ZFHX3: variants seen among roughly 807,000 people sequenced by gnomAD.
The protein encoded by ZFHX3 is zinc finger homeobox 3.
Under a neutral mutation model 279.1 loss-of-function variants are expected in ZFHX3, and 42 were observed. That is an observed-to-expected ratio of 0.15 (90% CI 0.12 to 0.19). The LOEUF is 0.19. Among genes scored for constraint, ZFHX3 ranks in the 10% least tolerant of loss-of-function variants. The probability of loss-of-function intolerance (pLI) is 1.00; values close to 1 mark genes in which losing one functional copy is unlikely to be tolerated. For synonymous variants in ZFHX3, 2,293 were observed against 1,957.8 expected, an observed-to-expected ratio of 1.17 and a Z score of -4.52; for missense variants, 4,981 against 4,754.0, an observed-to-expected ratio of 1.05 and a Z score of -1.40.
At chr16:73,644,619 C>T (rs1308767766) in intron 2 of ZFHX3, among the ~76,000 whole-genome samples, 1 of 152,152 alleles carries the variant, frequency 6.6e-6, no homozygotes, top group East Asian at 1.9e-4. Flanking sequence ...CGAGATTGTG[C>T]CACTGCACTC....
intron 1 of ZFHX3, among the ~76,000 whole-genome samples, chr16:72,967,279 G>A (rs1367420064): frequency 6.6e-6 from 1 of 152,162 alleles, no homozygotes; most frequent in Non-Finnish European, 1.5e-5. Context: ...AGTTCAAGAT[G>A]AGCTCGGAGC....
intron 1 of ZFHX3, among the ~76,000 whole-genome samples, chr16:73,744,747 T>C (rs537095318): frequency 6.6e-6 from 1 of 152,338 alleles, no homozygotes; most frequent in Admixed American, 6.5e-5. Flanking sequence ...TCGATATTTC[T>C]GACAGCTTTT....
chr16:73,435,462 G>T (rs546822232), intron 3 of ZFHX3, among the ~76,000 whole-genome samples: 1 of 152,050 alleles, frequency 6.6e-6, no homozygotes, highest in African/African-American at 2.4e-5. Context: ...TGCCTGCCTC[G>T]GCCTCCCAAA....
chr16:73,417,046 C>T (rs1361005590), intron 3 of ZFHX3, among the ~76,000 whole-genome samples: 1 of 152,056 alleles, frequency 6.6e-6, no homozygotes, highest in East Asian at 1.9e-4. Flanking sequence ...GCCAAACTGA[C>T]ATCACGCACC....
chr16:73,057,896 C>G (rs911335066), intron 1 of ZFHX3, among the ~76,000 whole-genome samples: 1 of 148,976 alleles, frequency 6.7e-6, no homozygotes, highest in African/African-American at 2.4e-5. Context: ...GTGGCTGCGA[C>G]CGCGGCGACT....
At chr16:73,028,885 C>T (rs764899947) in intron 1 of ZFHX3, among the ~76,000 whole-genome samples, 113 of 152,370 alleles carry the variant, frequency 7.4e-4, no homozygotes, top group Non-Finnish European at 1.2e-3. Context: ...CAACAGAAGT[C>T]TTGTTACAAA....
intron 1 of ZFHX3, among the ~76,000 whole-genome samples, chr16:73,823,991 C>G (rs1002624353): frequency 1.3e-5 from 2 of 152,128 alleles, no homozygotes; most frequent in Non-Finnish European, 2.9e-5. Context: ...TAACTACACT[C>G]CAGGAAAGTT....
chr16:73,483,271 T>G, intron 2 of ZFHX3: 1 of 410,656 alleles, frequency 2.4e-6, no homozygotes, highest in Non-Finnish European at 4.7e-6. Context: ...GACAAATGCG[T>G]ACGCATAGAC....
chr16:72,966,568 C>A lies in ZFHX3; in HGVS notation c.-49-6374G>T, dbSNP rs538236639. Among the ~76,000 whole-genome samples the A allele has an allele frequency of 8.5e-5, 13 of 152,306 alleles. No homozygotes were observed. The South Asian group carries it at 1.0e-3, about 12-fold the overall frequency. ...GTCCACAGCCCATCACTTTCTCTGT[C>A]TGCGTGAATAATGTTAGGAACCACT... On this transcript the variant is annotated intron_variant, in intron 1 of 9. Transcript: ENST00000268489.
intron 2 of ZFHX3, among the ~76,000 whole-genome samples, chr16:73,666,912 T>G (rs1472569281): frequency 6.6e-6 from 1 of 151,996 alleles, no homozygotes; most frequent in Non-Finnish European, 1.5e-5. Flanking sequence ...GCCTATGGGA[T>G]TCATCCACGT....
chr16:73,164,658 C>T (rs1377763906), intron 5 of ZFHX3, among the ~76,000 whole-genome samples: 1 of 150,938 alleles, frequency 6.6e-6, no homozygotes, highest in Non-Finnish European at 1.5e-5. Context: ...TGAGATTGCA[C>T]CACTGCACTC....
chr16:73,070,915 TGCGCGCGCGCGCGCGC>T (rs1214080832), intron 8 of ZFHX3, among the ~76,000 whole-genome samples: 4 of 90,618 alleles, frequency 4.4e-5, no homozygotes, highest in African/African-American at 1.8e-4. Flanking sequence ...TAGACCGTCT[TGCGCGCGCGCGCGCGC>T]GCGCGCGCAC....
At chr16:72,818,393 G>A (rs1567531565) in intron 5 of ZFHX3, among the ~76,000 whole-genome samples, 1 of 152,176 alleles carries the variant, frequency 6.6e-6, no homozygotes. Context: ...GACAGGCTGG[G>A]CTTTCTTACT....
chr16:72,933,824 T>TC (rs1434917475), intron 3 of ZFHX3, among the ~76,000 whole-genome samples: 11 of 131,966 alleles, frequency 8.3e-5, no homozygotes, highest in African/African-American at 2.2e-4. Flanking sequence ...TTTTTTTTTT[T>TC]TTTTTTTTTT....
intron 1 of ZFHX3, among the ~76,000 whole-genome samples, chr16:73,779,756 T>C (rs1049025195): frequency 3.3e-5 from 5 of 152,098 alleles, no homozygotes; most frequent in Non-Finnish European, 5.9e-5. Context: ...TCTCGTTCTG[T>C]CGTCAGGTTG....
At position 72,797,471 on chromosome 16, in the gene ZFHX3, TTGTTGTTGTTGTTGTTGC is replaced by T. The variant is rs748649682; in HGVS notation, c.5193_5210del (p.Gln1736_Gln1741del). ...CCAGCGTTTGTGCTTGTTGTTGTTG[TTGTTGTTGTTGTTGTTGC>T]TGTTGCTGCTGCTGTTGTTGCTGCT... On this transcript the variant is annotated inframe_deletion, in exon 9 of 10. Coordinates refer to ENST00000268489, the MANE Select transcript of ZFHX3 (RefSeq NM_006885.4). The T allele has an allele frequency of 5.6e-6, 9 of 1,611,362 alleles. No homozygotes were observed. The highest frequency in any genetic ancestry group is 2.7e-5 in the African/African-American group (2 of 73,948).
intron 1 of ZFHX3, among the ~76,000 whole-genome samples, chr16:73,877,778 G>C (rs1248192172): frequency 6.6e-6 from 1 of 152,022 alleles, no homozygotes; most frequent in Non-Finnish European, 1.5e-5. Context: ...TTTAAAAAGA[G>C]AACATGGAAG....
chr16:72,818,891 C>G (rs2036696517), intron 5 of ZFHX3, among the ~76,000 whole-genome samples: 1 of 152,106 alleles, frequency 6.6e-6, no homozygotes, highest in Non-Finnish European at 1.5e-5. Flanking sequence ...ACTTCACAGG[C>G]CTTTTGTTTC....
intron 1 of ZFHX3, among the ~76,000 whole-genome samples, chr16:73,730,378 A>G (rs1306504470): frequency 4.7e-5 from 7 of 149,292 alleles, no homozygotes; most frequent in South Asian, 2.1e-4. Flanking sequence ...AAAAAAAAGA[A>G]AAAGAGAGAG....
Sources: gnomAD v4.1 joint callset for allele counts (sites outside exome capture counted in the v4.1 genomes callset) on GRCh38, gnomAD v4.1.1 for gene constraint, MANE v1.5 for transcripts, NCBI Gene and HGNC (gene_info 2026-07-23, HGNC 2026-07-21) for gene names.